Variants in FAM107A observed in about 807,000 individuals in gnomAD.
FAM107A encodes actin-associated protein FAM107A.
FAM107A carries 19 observed loss-of-function variants against 13.7 expected under a neutral mutation model. That is an observed-to-expected ratio of 1.38 (90% CI 0.97 to 2.03). The LOEUF (loss-of-function observed/expected upper bound fraction) is 2.03. FAM107A is among the 30% of genes most tolerant of loss of function. FAM107A has a pLI of 0.00. For synonymous variants in FAM107A, 82 were observed against 74.5 expected (o/e 1.10, Z -0.52); for missense variants, 203 against 184.4 (o/e 1.10, Z -0.58).
intron 1 of FAM107A, among the ~76,000 whole-genome samples, chr3:58,570,633 G>GAA (rs2063674104): frequency 1.0e-5 from 1 of 95,806 alleles, no homozygotes; most frequent in Non-Finnish European, 2.1e-5. Flanking sequence ...GAGAGAGAGA[G>GAA]AGAAAGAGAC....
intron 1 of FAM107A, among the ~76,000 whole-genome samples, chr3:58,605,667 A>G (rs2065788134): frequency 2.0e-5 from 3 of 152,160 alleles, no homozygotes; most frequent in African/African-American, 7.2e-5. Flanking sequence ...TGGTAGTGCT[A>G]GTGTGGCACC....
intron 1 of FAM107A, among the ~76,000 whole-genome samples, chr3:58,622,648 G>GA (rs2065967187): frequency 6.6e-6 from 1 of 152,238 alleles, no homozygotes; most frequent in Non-Finnish European, 1.5e-5. Context: ...GGAATGCAGA[G>GA]AAGTGTTGGC....
intron 1 of FAM107A, among the ~76,000 whole-genome samples, chr3:58,619,112 T>A (rs1168299597): frequency 1.3e-5 from 2 of 152,148 alleles, no homozygotes; most frequent in Non-Finnish European, 2.9e-5. Context: ...GGAATCCTCC[T>A]GCTTCAGCCT....
At chr3:58,584,056 A>G (rs954872673) in intron 1 of FAM107A, among the ~76,000 whole-genome samples, 21 of 152,176 alleles carry the variant, frequency 1.4e-4, no homozygotes, top group African/African-American at 5.1e-4. Context: ...CCCCTTCAGC[A>G]CATGGCCAAA....
chr3:58,605,133 T>C (rs927942874), intron 1 of FAM107A, among the ~76,000 whole-genome samples: 2 of 152,242 alleles, frequency 1.3e-5, no homozygotes, highest in African/African-American at 2.4e-5. Flanking sequence ...GAGTATCCCT[T>C]ACACCACAGT....
upstream of FAM107A, among the ~76,000 whole-genome samples, chr3:58,581,861 A>C (rs917616732): frequency 6.6e-6 from 1 of 152,220 alleles, no homozygotes; most frequent in Non-Finnish European, 1.5e-5. Context: ...GCAATTAGAC[A>C]TGGTTAATTT....
chr3:58,607,031 T>C (rs1440868021), intron 1 of FAM107A: 6 of 152,204 alleles, frequency 3.9e-5, no homozygotes, highest in Non-Finnish European at 7.3e-5. Flanking sequence ...CTCCTAGACT[T>C]TCACGTACAA....
At chr3:58,574,854 G>T (rs529776268) in intron 1 of FAM107A, among the ~76,000 whole-genome samples, 65 of 152,320 alleles carry the variant, frequency 4.3e-4, no homozygotes, top group African/African-American at 1.5e-3. Context: ...CCCACACCAG[G>T]CAAGGCTCAG....
intron 1 of FAM107A, chr3:58,626,855 G>T: frequency 2.1e-6 from 2 of 966,152 alleles, no homozygotes; most frequent in Non-Finnish European, 1.6e-6. Flanking sequence ...CCAGGGGGAG[G>T]GCTGGTGGGC....
At chr3:58,574,540 A>T (rs1198426671) in intron 1 of FAM107A, among the ~76,000 whole-genome samples, 1 of 152,144 alleles carries the variant, frequency 6.6e-6, no homozygotes, top group Non-Finnish European at 1.5e-5. Context: ...TGATCTTGGG[A>T]TGGTCTCTAA....
intron 1 of FAM107A, among the ~76,000 whole-genome samples, chr3:58,595,910 C>T (rs2065703546): frequency 6.6e-6 from 1 of 152,186 alleles, no homozygotes; most frequent in African/African-American, 2.4e-5. Context: ...ATAGTCTTTT[C>T]CAAGGACGAT....
intron 1 of FAM107A, among the ~76,000 whole-genome samples, chr3:58,608,457 C>T (rs4524294): frequency 0.19 from 28,236 of 152,076 alleles, 3,253 homozygotes; most frequent in East Asian, 0.46. Context: ...ACAACTCCTT[C>T]CTTATCTATG....
Position 58,577,380 on chromosome 3 carries a change from C to G in FAM107A, c.-77G>C. On this transcript the variant is annotated 5_prime_UTR_variant, in exon 1 of 4. Transcript: ENST00000360997. The surrounding 1 kb of genome is among the most constrained non-coding windows in gnomAD (Gnocchi z 4.9). Reference sequence around the variant, plus strand: ...GGTTCCTCACTCCACCGGGAAGTCCCAGACTAGCAAGGAGGGCTGCCTCTA... The same window carrying G: ...GGTTCCTCACTCCACCGGGAAGTCCGAGACTAGCAAGGAGGGCTGCCTCTA... The G allele has an allele frequency of 2.0e-6, 2 of 985,440 alleles. No individual in the cohort carries two copies. The highest frequency in any genetic ancestry group is 9.4e-5 in the South Asian group (2 of 21,284). 61.0% of individuals were successfully genotyped at this position (985,440 alleles called of 1,614,324 possible).
At chr3:58,608,513 A>G (rs2065820199) in intron 1 of FAM107A, among the ~76,000 whole-genome samples, 1 of 152,220 alleles carries the variant, frequency 6.6e-6, no homozygotes, top group African/African-American at 2.4e-5. Flanking sequence ...AGAGCCAGGC[A>G]GCTCCCCTGG....
chr3:58,607,064 TC>T (rs960148892), intron 1 of FAM107A: 1 of 152,168 alleles, frequency 6.6e-6, no homozygotes, highest in African/African-American at 2.4e-5. Context: ...TGTCTTTTCT[TC>T]CCCCTTAACC....
chr3:58,615,507 A>T (rs1457274172), intron 1 of FAM107A, among the ~76,000 whole-genome samples: 4 of 152,250 alleles, frequency 2.6e-5, no homozygotes, highest in Non-Finnish European at 5.9e-5. Flanking sequence ...GATTTGAGAC[A>T]GTTAAATAAC....
In FAM107A at chr3:58,583,684, C is replaced by CT. The variant is rs1181380227; in HGVS notation, c.79+3173dup. 3.5e-3 allele frequency among the ~76,000 whole-genome samples: 523 copies of CT among 149,912 alleles called. 6 individuals carry two copies. The highest frequency in any genetic ancestry group is 0.011 in the African/African-American group (467 of 40,894). On this transcript the variant is annotated intron_variant, in intron 1 of 3. Transcript: ENST00000447756. ...ACGTTTTTCTTTTTCTTTTTCTTTTCTTTTTTTTTGGGGGGGGACACGGTC... is the reference window on the plus strand; with the variant it reads ...ACGTTTTTCTTTTTCTTTTTCTTTTCTTTTTTTTTTGGGGGGGGACACGGTC...
rs566085906 is a variant in FAM107A at position 58,614,024 on chromosome 3, T to G, written c.-70+13392A>C. On this transcript the variant is annotated intron_variant, in intron 1 of 3. Transcript: ENST00000465970. ...TCTCTAGTATTCACCTGGCTGAGCCTGGATGGGAGATCCCTGGAAAAACTG... is the reference window on the plus strand; with the variant it reads ...TCTCTAGTATTCACCTGGCTGAGCCGGGATGGGAGATCCCTGGAAAAACTG... Among the ~76,000 whole-genome samples, 103 of 152,286 alleles carry G rather than the reference T, an allele frequency of 6.8e-4. No homozygotes were observed. In the South Asian group the frequency reaches 0.019, roughly 28 times the overall value.
At chr3:58,582,871 T>G (rs1163794439) in intron 1 of FAM107A, among the ~76,000 whole-genome samples, 1 of 152,220 alleles carries the variant, frequency 6.6e-6, no homozygotes. Flanking sequence ...CGATTTCGGC[T>G]CACTGCGACC....
Sources: gnomAD v4.1 joint callset for allele counts (sites outside exome capture counted in the v4.1 genomes callset) on GRCh38, gnomAD v4.1.1 for gene constraint, Gnocchi (gnomAD v3.1) non-coding constraint, MANE v1.5 for transcripts, NCBI Gene and HGNC (gene_info 2026-07-23, HGNC 2026-07-21) for gene names.